The following FMN2 variants were observed in gnomAD, a reference collection of about 807,000 sequenced individuals.
FMN2 encodes formin 2, also known as formin-2.
In FMN2, 51 loss-of-function variants were observed where a neutral mutation model predicts 142.3. The ratio of observed to expected loss-of-function variants is 0.36; its 90% CI spans 0.29 to 0.45. FMN2 has a LOEUF of 0.45. FMN2 is among the 20% of genes least tolerant of loss of function. The pLI, the probability that FMN2 is intolerant of heterozygous loss-of-function variation, is 1.00. For synonymous variants in FMN2, 882 were observed against 869.8 expected, an observed-to-expected ratio of 1.01 and a Z score of -0.25; for missense variants, 1,936 against 2,122.8, an observed-to-expected ratio of 0.91 and a Z score of 1.73.
intron 14 of FMN2, 64 bp downstream of exon 14, chr1:240,355,972 A>C (rs1367695870): frequency 6.9e-6 from 4 of 579,434 alleles, no homozygotes; most frequent in Admixed American, 6.2e-5. Context: ...AAAAAAAAAA[A>C]AAAAAAAAAA....
intron 8 of FMN2, among the ~76,000 whole-genome samples, chr1:240,325,343 C>CAAAAAAAAAA (rs5782134): frequency 9.3e-6 from 1 of 108,086 alleles, no homozygotes; most frequent in African/African-American, 3.4e-5. Context: ...ACCCTGTCTC[C>CAAAAAAAAAA]AAAAAAAAAA....
In FMN2 at chr1:240,302,981, TATAG is replaced by T. The variant is rs145677135; in HGVS notation, c.4215+8100_4215+8103del. On this transcript the variant is annotated intron_variant, in intron 8 of 17. Transcript: ENST00000319653. Reference sequence around the variant, plus strand: ...GGGTTATATTACCATTATACAATAATATAGAAAGATAATTTCTATGTAGAGCAAG... The same window carrying T: ...GGGTTATATTACCATTATACAATAATAAAGATAATTTCTATGTAGAGCAAG... 8.2e-3 allele frequency among the ~76,000 whole-genome samples: 1,250 copies of T among 152,128 alleles called. 17 individuals carry two copies. The highest frequency in any genetic ancestry group is 0.027 in the African/African-American group (1,103 of 41,514).
At chr1:240,441,933 CA>C (rs1675635026) in intron 16 of FMN2, among the ~76,000 whole-genome samples, 1 of 151,734 alleles carries the variant, frequency 6.6e-6, no homozygotes, top group African/African-American at 2.4e-5. Context: ...TACCTCAAAG[CA>C]AAAAGAGAGA....
chr1:240,304,197 A>G (rs557031312), intron 8 of FMN2, among the ~76,000 whole-genome samples: 3 of 152,234 alleles, frequency 2.0e-5, no homozygotes, highest in African/African-American at 7.2e-5. Flanking sequence ...ATTTATCTTT[A>G]TCCTTTGAAT....
chr1:240,103,058 G>T (rs986515002), intron 1 of FMN2, among the ~76,000 whole-genome samples: 6 of 151,834 alleles, frequency 4.0e-5, no homozygotes, highest in Non-Finnish European at 8.8e-5. Context: ...TAGAGACGGG[G>T]TTTCACCATG....
chr1:240,439,254 C>G (rs114103244), intron 16 of FMN2, among the ~76,000 whole-genome samples: 1,308 of 120,410 alleles, frequency 0.011, 20 homozygotes, highest in African/African-American at 0.044. Context: ...GCCTGGACAA[C>G]AGAGCAAGGC....
chr1:240,324,636 G>C (rs779695554), intron 8 of FMN2, among the ~76,000 whole-genome samples: 2 of 150,518 alleles, frequency 1.3e-5, no homozygotes, highest in Non-Finnish European at 3.0e-5. Context: ...ACTACAGCCC[G>C]GGCAACAGAG....
intron 1 of FMN2, among the ~76,000 whole-genome samples, chr1:240,110,034 G>A (rs1661750517): frequency 1.3e-5 from 2 of 151,432 alleles, no homozygotes; most frequent in Admixed American, 6.6e-5. Flanking sequence ...TTAAGGCAGT[G>A]TGTTCTACAC....
intron 14 of FMN2, among the ~76,000 whole-genome samples, chr1:240,372,612 C>A (rs535074417): frequency 8.0e-5 from 12 of 149,656 alleles, no homozygotes; most frequent in African/African-American, 2.9e-4. Flanking sequence ...GAAAACCAAA[C>A]CTAAATCACT....
chr1:240,424,862 C>G (rs1023268602), intron 15 of FMN2, among the ~76,000 whole-genome samples: 35 of 152,162 alleles, frequency 2.3e-4, no homozygotes, highest in Non-Finnish European at 1.2e-4. Flanking sequence ...AATACGTAGT[C>G]AAAAAATTTG....
chr1:240,205,244 CCT>C (rs1666285869), intron 4 of FMN2, among the ~76,000 whole-genome samples: 1 of 152,062 alleles, frequency 6.6e-6, no homozygotes, highest in South Asian at 2.1e-4. Flanking sequence ...AGTCTCTCAT[CCT>C]CTCTTTCCCT....
intron 11 of FMN2, among the ~76,000 whole-genome samples, chr1:240,333,162 A>G (rs1339032257): frequency 6.6e-6 from 1 of 152,194 alleles, no homozygotes; most frequent in Non-Finnish European, 1.5e-5. Flanking sequence ...ACAATACAAA[A>G]AAAGAGTAAA....
intron 11 of FMN2, among the ~76,000 whole-genome samples, chr1:240,331,462 G>A (rs1239929729): frequency 6.6e-6 from 1 of 151,826 alleles, no homozygotes. Flanking sequence ...ACATTTCTCT[G>A]ATAAAAAAAT....
At position 240,426,513 on chromosome 1, in the gene FMN2, A is replaced by G. The variant is rs139697832; in HGVS notation, c.4911-11548A>G. ...TTGTGATTTTTAAAAATATTACTCTATTATGGAAAAGTTAAAATATGTGCA... is the reference window on the plus strand; with the variant it reads ...TTGTGATTTTTAAAAATATTACTCTGTTATGGAAAAGTTAAAATATGTGCA... On this transcript the variant is annotated intron_variant, in intron 15 of 17. Coordinates refer to ENST00000319653, the MANE Select transcript of FMN2 (RefSeq NM_020066.5). 5.1e-3 allele frequency among the ~76,000 whole-genome samples: 781 copies of G among 152,272 alleles called. 8 individuals are homozygous for G. The highest frequency in any genetic ancestry group is 0.018 in the African/African-American group (736 of 41,568).
In FMN2 at chr1:240,144,107, A is replaced by G; in HGVS notation, c.1782+20762A>G. ...GTTACTTCTCAATCTGAATGAGGCCACCATCCACATCCCACAGCAGCAGCA... is the reference window on the plus strand; with the variant it reads ...GTTACTTCTCAATCTGAATGAGGCCGCCATCCACATCCCACAGCAGCAGCA... On this transcript the variant is annotated intron_variant, in intron 2 of 17. Coordinates refer to ENST00000319653, the MANE Select transcript of FMN2 (RefSeq NM_020066.5). The G allele has an allele frequency of 1.1e-5, 12 of 1,141,692 alleles. No homozygotes were observed. The South Asian group carries it at 1.4e-4, about 13-fold the overall frequency. The allele number at this position is 1,141,692 out of a possible 1,614,324, so 70.7% of individuals were successfully genotyped here.
intron 4 of FMN2, among the ~76,000 whole-genome samples, chr1:240,190,443 G>T: frequency 6.6e-6 from 1 of 152,268 alleles, no homozygotes; most frequent in Admixed American, 6.5e-5. Context: ...AAAGTAACTG[G>T]CCGTAAAGGG....
intron 3 of FMN2, among the ~76,000 whole-genome samples, chr1:240,186,556 G>A (rs900123358): frequency 3.3e-5 from 5 of 152,240 alleles, no homozygotes; most frequent in Non-Finnish European, 7.3e-5. Context: ...AGTGGGTGGG[G>A]TCGCTGCTTG....
At chr1:240,407,797 G>T (rs1035955077) in intron 15 of FMN2, among the ~76,000 whole-genome samples, 2 of 152,124 alleles carry the variant, frequency 1.3e-5, no homozygotes, top group Non-Finnish European at 1.5e-5. Flanking sequence ...TGAGACCAAG[G>T]TCACACTCCC....
At chr1:240,144,309 T>C in intron 2 of FMN2, 2 of 1,607,592 alleles carry the variant, frequency 1.2e-6, no homozygotes, top group Non-Finnish European at 1.7e-6. Context: ...CCCCCAAACC[T>C]GTTGTTCTCT....
Sources: allele counts gnomAD v4.1 joint callset (sites outside exome capture counted in the v4.1 genomes callset), GRCh38; gene constraint gnomAD v4.1.1; transcripts MANE v1.5; gene names NCBI Gene and HGNC (gene_info 2026-07-23, HGNC 2026-07-21).